DOCK8: variants seen among roughly 807,000 people sequenced by gnomAD.
DOCK8 encodes the protein dedicator of cytokinesis 8.
In DOCK8, 141 loss-of-function variants were observed where a neutral mutation model predicts 245.6. The ratio of observed to expected loss-of-function variants is 0.57; its 90% CI spans 0.50 to 0.66. The LOEUF is 0.66. DOCK8 is among the 30% of genes least tolerant of loss of function. DOCK8 has a pLI of 0.00. For synonymous variants in DOCK8, 1,168 were observed against 970.2 expected (o/e 1.20, Z -3.79); for missense variants, 2,965 against 2,603.4 (o/e 1.14, Z -3.02).
chr9:429,658 C>A, intron 35 of DOCK8, 44 bp from the exon 36 acceptor site: 1 of 1,612,622 alleles, frequency 6.2e-7, no homozygotes, highest in Admixed American at 1.7e-5. Context: ...GAAAGTGTAT[C>A]AAACTGCCAA....
In DOCK8 at chr9:287,079, A is replaced by T. The variant is rs957022449; in HGVS notation, c.332+443A>T. 2.0e-5 allele frequency among the ~76,000 whole-genome samples: 3 copies of T among 152,364 alleles called. No individual in the cohort carries two copies. The East Asian group carries it at 5.8e-4, about 29-fold the overall frequency. On this transcript the variant is annotated intron_variant, in intron 3 of 47. Transcript: ENST00000432829. ...TGCTTACAGTTATGAGACTGGATCA[A>T]GTTAGAAACATAAGGTAAACCCACA...
intron 2 of DOCK8, 67 bp downstream of exon 2, chr9:271,796 C>G: frequency 9.4e-7 from 1 of 1,066,124 alleles, no homozygotes; most frequent in Non-Finnish European, 1.4e-6. Flanking sequence ...TATGTGTTTG[C>G]CTCCTGTTCC....
chr9:246,815 A>C (rs1051604241), intron 1 of DOCK8, among the ~76,000 whole-genome samples: 1 of 151,914 alleles, frequency 6.6e-6, no homozygotes, highest in Non-Finnish European at 1.5e-5. Flanking sequence ...GAAGTCTTGC[A>C]ATGTTGCCCA....
At chr9:215,081 T>C in intron 1 of DOCK8, 52 bp downstream of exon 1, 1 of 1,532,894 alleles carries the variant, frequency 6.5e-7, no homozygotes, top group Non-Finnish European at 8.7e-7. Flanking sequence ...CCAGCGCTGG[T>C]GTGAAGCGGA....
intron 33 of DOCK8, among the ~76,000 whole-genome samples, chr9:426,462 C>T (rs1392572648): frequency 6.6e-6 from 1 of 152,216 alleles, no homozygotes; most frequent in African/African-American, 2.4e-5. Context: ...CACATCACAT[C>T]CAGTCTCACT....
intron 5 of DOCK8, among the ~76,000 whole-genome samples, chr9:311,634 C>T (rs959953904): frequency 3.8e-4 from 58 of 152,108 alleles, no homozygotes; most frequent in African/African-American, 1.3e-3. Flanking sequence ...GAGGCTTGGC[C>T]CCCCCAGCCC....
Position 368,484 on chromosome 9 carries a change from T to A in DOCK8, c.1797+349T>A, listed in dbSNP as rs2053121841. 4 of 595,178 alleles carry A rather than the reference T, an allele frequency of 6.7e-6. No homozygotes were observed. The East Asian group carries it at 1.1e-4, about 17-fold the overall frequency. The allele number at this position is 595,178 out of a possible 1,614,324, so 36.9% of individuals were successfully genotyped here. ...CGTGCGCCATGTTTGCTGAGTGTCT[T>A]CCATGCACAAACTGTACACACTGTG... On this transcript the variant is annotated intron_variant, in intron 15 of 47. Coordinates refer to ENST00000432829, the MANE Select transcript of DOCK8 (RefSeq NM_203447.4).
intron 46 of DOCK8, among the ~76,000 whole-genome samples, 191 bp downstream of exon 46, chr9:452,308 C>G (rs1204940426): frequency 6.6e-6 from 1 of 152,104 alleles, no homozygotes. Flanking sequence ...TCCAGGTGAT[C>G]CTGATGCACA....
At chr9:275,483 T>C (rs1312085140) in intron 2 of DOCK8, among the ~76,000 whole-genome samples, 2 of 152,176 alleles carry the variant, frequency 1.3e-5, no homozygotes, top group Non-Finnish European at 2.9e-5. Flanking sequence ...CAATCAGAAT[T>C]CCTGGGGGTG....
chr9:368,354 C>G, intron 15 of DOCK8: 2 of 715,578 alleles, frequency 2.8e-6, no homozygotes, highest in Non-Finnish European at 2.6e-6. Flanking sequence ...GAGCTTGGAA[C>G]ATACAGATCA....
intron 36 of DOCK8, among the ~76,000 whole-genome samples, chr9:430,352 C>T (rs1294408347): frequency 6.6e-6 from 1 of 151,790 alleles, no homozygotes; most frequent in East Asian, 1.9e-4. Flanking sequence ...CCAGCCTGGA[C>T]AACAGAGTGA....
intron 39 of DOCK8, among the ~76,000 whole-genome samples, chr9:436,688 A>G (rs2056915867): frequency 6.6e-6 from 1 of 152,244 alleles, no homozygotes; most frequent in African/African-American, 2.4e-5. Flanking sequence ...CAATCAACAG[A>G]AATATTCCAC....
chr9:374,033 C>G (rs1267492159), intron 18 of DOCK8, among the ~76,000 whole-genome samples: 1 of 152,116 alleles, frequency 6.6e-6, no homozygotes, highest in African/African-American at 2.4e-5. Context: ...AGTTGCTTAC[C>G]CTCTCTGAGT....
At chr9:455,597 A>T (rs551799174) in intron 46 of DOCK8, among the ~76,000 whole-genome samples, 308 of 152,206 alleles carry the variant, frequency 2.0e-3, no homozygotes, top group Non-Finnish European at 2.5e-3. Context: ...CCCCCAGGTG[A>T]TGCTGCTGCT....
chr9:370,439 G>A lies in DOCK8; in HGVS notation c.1868+139G>A, dbSNP rs751352. 0.28 allele frequency: 209,547 copies of A among 749,284 alleles called. 32,997 individuals carry two copies. Among genetic ancestry groups the A allele is most frequent in the African/African-American group, 0.55 (31,896 of 57,632 alleles). The allele number at this position is 749,284 out of a possible 1,614,324, so 46.4% of individuals were successfully genotyped here. ...GGCAAAGGAAATCCATGCCAGTTCC[G>A]TGACTCTGTGTTGAAGATGTATAAC... On this transcript the variant is annotated intron_variant, in intron 16 of 47. Coordinates refer to ENST00000432829, the MANE Select transcript of DOCK8 (RefSeq NM_203447.4).
intron 14 of DOCK8, among the ~76,000 whole-genome samples, chr9:341,901 A>C (rs541305555): frequency 6.6e-6 from 1 of 152,176 alleles, no homozygotes; most frequent in East Asian, 1.9e-4. Context: ...CATGAATCCT[A>C]TTGTGAACTG....
At chr9:368,399 C>T (rs948216069) in intron 15 of DOCK8, 61 of 664,454 alleles carry the variant, frequency 9.2e-5, no homozygotes, top group Non-Finnish European at 1.4e-4. Flanking sequence ...AAAGTCTTTC[C>T]ATACTGCCCA....
chr9:408,874 A>G (rs56181423), intron 28 of DOCK8, among the ~76,000 whole-genome samples: 3,388 of 62,992 alleles, frequency 0.054, 119 homozygotes, highest in African/African-American at 0.17. Flanking sequence ...ACACACACAC[A>G]CACACACACA....
chr9:400,936 C>T (rs1446715393), intron 26 of DOCK8, among the ~76,000 whole-genome samples: 1 of 134,142 alleles, frequency 7.5e-6, no homozygotes, highest in Admixed American at 7.3e-5. Flanking sequence ...CCACAACATC[C>T]ACCACCACCA....
Sources: allele counts gnomAD v4.1 joint callset (sites outside exome capture counted in the v4.1 genomes callset), GRCh38; gene constraint gnomAD v4.1.1; transcripts MANE v1.5; gene names NCBI Gene and HGNC (gene_info 2026-07-23, HGNC 2026-07-21).